ATP11A: variants seen among roughly 807,000 people sequenced by gnomAD.
ATP11A encodes ATPase phospholipid transporting 11A, also known as phospholipid-transporting ATPase IH.
A neutral mutation model predicts 154.4 loss-of-function variants in ATP11A; 81 were observed. The ratio of observed to expected loss-of-function variants is 0.52; its 90% CI spans 0.44 to 0.63. The LOEUF (loss-of-function observed/expected upper bound fraction) is 0.63. Among genes scored for constraint, ATP11A ranks in the 30% least tolerant of loss-of-function variants. ATP11A has a pLI of 0.00. For missense variants in ATP11A, 1,316 were observed against 1,474.3 expected (o/e 0.89, Z 1.76); for synonymous variants, 623 against 585.9 (o/e 1.06, Z -0.91).
At chr13:112,733,992 C>T (rs1159905101) in intron 1 of ATP11A, among the ~76,000 whole-genome samples, 2 of 152,132 alleles carry the variant, frequency 1.3e-5, no homozygotes, top group African/African-American at 4.8e-5. Context: ...CAAACAAATA[C>T]TCATTGAGTT....
chr13:112,751,191 T>A (rs573371489), intron 1 of ATP11A, among the ~76,000 whole-genome samples: 1 of 152,216 alleles, frequency 6.6e-6, no homozygotes, highest in Admixed American at 6.5e-5. Flanking sequence ...CATGGATGTT[T>A]GTAGAGGTGG....
intron 1 of ATP11A, among the ~76,000 whole-genome samples, chr13:112,699,035 C>T (rs1886212508): frequency 6.6e-6 from 1 of 152,188 alleles, no homozygotes; most frequent in South Asian, 2.1e-4. Context: ...GTCTTTAAAC[C>T]AATCCTTTAA....
In ATP11A at chr13:112,715,504, CTG is replaced by C. The variant is rs1888346833; in HGVS notation, c.39+25050_39+25051del. On this transcript the variant is annotated intron_variant, in intron 1 of 29. Coordinates refer to ENST00000375645, the MANE Select transcript of ATP11A (RefSeq NM_015205.3). ...CCCATCCCCGTACCTGGCCCATCCC[CTG>C]CACCTGGCCGATCCCCACCCTTCAC... Among the ~76,000 whole-genome samples, 5 of 54,942 alleles carry C rather than the reference CTG, an allele frequency of 9.1e-5. 1 individual carries two copies. The highest frequency in any genetic ancestry group is 2.0e-4 in the Non-Finnish European group (4 of 19,594). 36.0% of individuals were successfully genotyped at this position (54,942 alleles called of 152,430 possible).
Position 112,882,737 on chromosome 13 carries a change from G to A in ATP11A, c.*871G>A, listed in dbSNP as rs1388477758. ...GTGCCAGGATGTCCATCAGCCACTC[G>A]CCAGGGCACGGAGCCGTCAGTCCAC... On this transcript the variant is annotated 3_prime_UTR_variant, in exon 30 of 30. Transcript: ENST00000375645. The surrounding 1 kb of genome is among the most constrained non-coding windows in gnomAD (Gnocchi z 5.1). The A allele has an allele frequency of 7.5e-6, 3 of 399,682 alleles. No individual in the cohort carries two copies. The highest frequency in any genetic ancestry group is 1.3e-5 in the Non-Finnish European group (3 of 227,052). 24.8% of individuals were successfully genotyped at this position (399,682 alleles called of 1,614,324 possible).
intron 1 of ATP11A, among the ~76,000 whole-genome samples, chr13:112,701,714 TC>T (rs1357638168): frequency 6.6e-6 from 1 of 152,034 alleles, no homozygotes; most frequent in Non-Finnish European, 1.5e-5. Flanking sequence ...GCGCCTGTAG[TC>T]CCAGCTACTC....
At chr13:112,755,814 C>A (rs947268009) in intron 1 of ATP11A, among the ~76,000 whole-genome samples, 17 of 123,084 alleles carry the variant, frequency 1.4e-4, no homozygotes, top group South Asian at 1.1e-3. Flanking sequence ...CTCCCAGAAC[C>A]ATTTCCCGTC....
intron 16 of ATP11A, among the ~76,000 whole-genome samples, chr13:112,837,452 C>T (rs2079267495): frequency 2.0e-5 from 3 of 152,338 alleles, no homozygotes; most frequent in East Asian, 1.9e-4. Context: ...GCACGCATCC[C>T]GAACGCAGAA....
intron 1 of ATP11A, among the ~76,000 whole-genome samples, chr13:112,766,858 A>G (rs2077092885): frequency 5.4e-5 from 1 of 18,512 alleles, no homozygotes; most frequent in Non-Finnish European, 8.3e-5. Flanking sequence ...CCCTGTGGGA[A>G]GGTGGGGAGG....
At chr13:112,769,473 T>C (rs1044554493) in intron 1 of ATP11A, among the ~76,000 whole-genome samples, 3 of 152,200 alleles carry the variant, frequency 2.0e-5, no homozygotes, top group African/African-American at 7.2e-5. Flanking sequence ...GCTTCCTCTT[T>C]GGCCAGAGCC....
chr13:112,734,063 C>T (rs1387075131), intron 1 of ATP11A, among the ~76,000 whole-genome samples: 2 of 152,138 alleles, frequency 1.3e-5, no homozygotes, highest in Non-Finnish European at 2.9e-5. Context: ...ATGATTTCAT[C>T]CGGGTTAATG....
intron 8 of ATP11A, 121 bp downstream of exon 8, chr13:112,820,071 G>A (rs186601291): frequency 1.5e-5 from 15 of 974,936 alleles, no homozygotes; most frequent in African/African-American, 3.4e-5. Context: ...GTGGAGTTCC[G>A]CTTTCCCACA....
chr13:112,872,040 A>C (rs1411092748), intron 26 of ATP11A, among the ~76,000 whole-genome samples: 1 of 152,200 alleles, frequency 6.6e-6, no homozygotes, highest in African/African-American at 2.4e-5. Context: ...GCTACACCGG[A>C]GGTAACCTCG....
intron 16 of ATP11A, among the ~76,000 whole-genome samples, chr13:112,840,540 C>T (rs2079381675): frequency 7.0e-6 from 1 of 143,070 alleles, no homozygotes; most frequent in Non-Finnish European, 1.5e-5. Context: ...CCTCAGCCTC[C>T]CTACTCTCCT....
At chr13:112,872,690 A>G (rs1005962520) in intron 26 of ATP11A, among the ~76,000 whole-genome samples, 3 of 152,392 alleles carry the variant, frequency 2.0e-5, no homozygotes, top group Non-Finnish European at 1.5e-5. Context: ...GTGACGATAT[A>G]AACAACACCT....
chr13:112,803,734 TCCTTC>T (rs2078202657), intron 2 of ATP11A, among the ~76,000 whole-genome samples: 8 of 82,508 alleles, frequency 9.7e-5, no homozygotes, highest in Non-Finnish European at 1.6e-4. Flanking sequence ...CTCCCTGACC[TCCTTC>T]CCCTCCTTCT....
intron 2 of ATP11A, among the ~76,000 whole-genome samples, chr13:112,787,505 G>A (rs556275890): frequency 5.3e-5 from 5 of 94,372 alleles, no homozygotes; most frequent in African/African-American, 1.4e-4. Flanking sequence ...GTCCTGATGC[G>A]TAGACTCCTG....
chr13:112,816,138 T>G lies in ATP11A; in HGVS notation c.497T>G (p.Phe166Cys). 6.2e-7 allele frequency: 1 copy of G among 1,614,196 alleles called. No homozygotes were observed. The highest frequency in any genetic ancestry group is 2.2e-5 in the East Asian group (1 of 44,878). Residue 166 changes from phenylalanine (F) to cysteine (C), a missense_variant, in exon 6 of 30, where the codon TTC (phenylalanine) becomes TGC (cysteine). By Grantham distance (205) the Phe-to-Cys change is radical. Transcript: ENST00000375645. ...EDETFPCDLI[F>C]LSSNRGDGTC... is the part of the protein sequence containing the mutation. ...GAGACCTTTCCCTGCGACTTGATCT[T>G]CCTTTCCAGCAACCGGGGAGATGGG...
chr13:112,690,452 A>G lies in ATP11A; in HGVS notation c.36A>G (p.Arg12=). 1 of 1,354,348 alleles carries G rather than the reference A, an allele frequency of 7.4e-7. No individual in the cohort carries two copies. Among genetic ancestry groups the G allele is most frequent in the Non-Finnish European group, 9.5e-7 (1 of 1,050,768 alleles). The allele number at this position is 1,354,348 out of a possible 1,614,324, so 83.9% of individuals were successfully genotyped here. ...DCSLVRTLVH[R]YCAGEENWVD... is the part of the protein sequence containing the mutation. ...GCCTCGTGCGGACGCTCGTGCACAG[A>G]TACGTGAGTGCTCCCGGCGCGGGCT... is the stretch of plus-strand genomic sequence containing the variant. The change falls in exon 1 of 30, where the codon AGA becomes AGG. Residue 12 remains arginine, a synonymous_variant. Coordinates refer to ENST00000375645, the MANE Select transcript of ATP11A (RefSeq NM_015205.3). This position sits in a 1 kb window ranked among gnomAD's most constrained non-coding sequence, Gnocchi z 5.6.
At chr13:112,728,041 A>G (rs369237369) in intron 1 of ATP11A, among the ~76,000 whole-genome samples, 1 of 152,304 alleles carries the variant, frequency 6.6e-6, no homozygotes, top group East Asian at 1.9e-4. Flanking sequence ...CCTTTTTCTG[A>G]AAAGGGCAGA....
Sources: allele counts gnomAD v4.1 joint callset (sites outside exome capture counted in the v4.1 genomes callset), GRCh38; gene constraint gnomAD v4.1.1; non-coding constraint Gnocchi (gnomAD v3.1); transcripts MANE v1.5; gene names NCBI Gene and HGNC (gene_info 2026-07-23, HGNC 2026-07-21).